Variants in TPR observed in about 807,000 individuals in gnomAD.
The protein encoded by TPR is nucleoprotein TPR.
TPR carries 51 observed loss-of-function variants against 316.1 expected under a neutral mutation model. The observed-to-expected ratio is 0.16, with a 90% confidence interval of 0.13 to 0.20. The LOEUF is 0.20. Among genes scored for constraint, TPR ranks in the 10% least tolerant of loss-of-function variants. The probability of loss-of-function intolerance (pLI) is 1.00; values close to 1 mark genes in which losing one functional copy is unlikely to be tolerated. For synonymous variants in TPR, 981 were observed against 914.7 expected (o/e 1.07, Z -1.31); for missense variants, 2,272 against 2,754.8 (o/e 0.82, Z 3.92).
intron 4 of TPR, among the ~76,000 whole-genome samples, chr1:186,366,232 C>T (rs1659339324): frequency 6.6e-6 from 1 of 152,112 alleles, no homozygotes; most frequent in African/African-American, 2.4e-5. Flanking sequence ...CAACCTGACC[C>T]AGCAAGACCA....
At chr1:186,331,687 T>C (rs1658171529) in intron 38 of TPR, 106 bp from the exon 39 acceptor site, 1 of 606,190 alleles carries the variant, frequency 1.6e-6, no homozygotes, top group Non-Finnish European at 2.6e-6. Flanking sequence ...ATCTATATTT[T>C]ATGAAACTAT....
intron 4 of TPR, among the ~76,000 whole-genome samples, chr1:186,365,284 T>TG (rs2101988293): frequency 6.6e-6 from 1 of 152,074 alleles, no homozygotes; most frequent in Non-Finnish European, 1.5e-5. Flanking sequence ...TTAGTAGAGA[T>TG]GGGGTTCTGC....
At position 186,357,555 on chromosome 1, in the gene TPR, G is replaced by A. The variant is rs761006642; in HGVS notation, c.1566C>T (p.Ser522=). The A allele has an allele frequency of 8.7e-6, 14 of 1,613,712 alleles. No individual in the cohort carries two copies. The Admixed American group carries it at 1.3e-4, about 15-fold the overall frequency. Residue 522 remains serine, a synonymous_variant, in exon 14 of 51, where the codon AGC becomes AGT. Transcript: ENST00000367478. ...GNHVIRDEEV[S]SADISSSSEV... ...CAGATGAACTACTTATATCAGCAGA[G>A]CTTACTTCCTCATCACGAATTACGT...
rs141065506 is a variant in TPR, at chr1:186,359,439, T to G, written c.1389+360A>C. On this transcript the variant is annotated intron_variant, in intron 12 of 50. Transcript: ENST00000367478. ...TAGGCAGGCTATTACAACTGTCTGATAAAGAATGATTATGGCAAATAGGAG... is the reference window on the plus strand; with the variant it reads ...TAGGCAGGCTATTACAACTGTCTGAGAAAGAATGATTATGGCAAATAGGAG... 1.5e-4 allele frequency among the ~76,000 whole-genome samples: 23 copies of G among 152,184 alleles called. No homozygotes were observed. In the East Asian group the frequency reaches 4.3e-3, roughly 28 times the overall value.
Position 186,367,965 on chromosome 1 carries a change from T to C in TPR, c.348A>G (p.Thr116=). The change falls in exon 4 of 51, where the codon ACA becomes ACG. Residue 116 remains threonine, a synonymous_variant. Transcript: ENST00000367478. The part of the protein sequence containing the change: ...NIAIQSQFTR[T]KEELEAEKRD... ...TTTTCTCAGCTTCTAATTCTTCCTT[T>C]GTTCTTGTAAATTGGCTCTGTCATA... 1 of 1,610,242 alleles carries C rather than the reference T, an allele frequency of 6.2e-7. No individual in the cohort carries two copies. The highest frequency in any genetic ancestry group is 1.1e-5 in the South Asian group (1 of 91,034).
In TPR at chr1:186,359,694, G is replaced by GT. The variant is rs886923716; in HGVS notation, c.1389+104dup. 8.5e-5 allele frequency: 96 copies of GT among 1,135,912 alleles called. No individual in the cohort carries two copies. In the African/African-American group the frequency reaches 1.4e-3, roughly 17 times the overall value. 70.4% of individuals were successfully genotyped at this position (1,135,912 alleles called of 1,614,324 possible). A position where few individuals can be genotyped will look rare whatever the true frequency, so the allele number is the denominator to read the frequency against. ...TTTCAAAATGTGTTTATTGAAAATC[G>GT]TATTTAGATTTTTCTGACTCAATCA... is the stretch of plus-strand genomic sequence containing the variant. On this transcript the variant is annotated intron_variant, in intron 12 of 50. Transcript: ENST00000367478.
intron 45 of TPR, among the ~76,000 whole-genome samples, chr1:186,320,869 T>C (rs1482409219): frequency 1.3e-5 from 2 of 152,238 alleles, no homozygotes; most frequent in Non-Finnish European, 2.9e-5. Context: ...TCCCAAGGTT[T>C]AGGAAAATTC....
chr1:186,317,650 A>G (rs34585917), intron 48 of TPR, 50 bp from the exon 49 acceptor site: 253,859 of 1,512,598 alleles, frequency 0.17, 22,676 homozygotes, highest in African/African-American at 0.29. Context: ...ACAGTCAATC[A>G]TAAATTATAT....
intron 45 of TPR, among the ~76,000 whole-genome samples, chr1:186,321,333 T>C (rs1489130155): frequency 6.6e-6 from 1 of 152,228 alleles, no homozygotes; most frequent in East Asian, 1.9e-4. Flanking sequence ...GATCTTCAAA[T>C]ACATCCTGTT....
intron 3 of TPR, 141 bp from the exon 4 acceptor site, chr1:186,368,123 A>G: frequency 3.5e-6 from 2 of 564,860 alleles, no homozygotes; most frequent in Non-Finnish European, 6.1e-6. Context: ...AAGTTAAAAA[A>G]TACCCGTAAT....
chr1:186,355,888 C>T (rs1419883197), intron 15 of TPR, 120 bp from the exon 16 acceptor site: 2 of 1,229,046 alleles, frequency 1.6e-6, no homozygotes, highest in Middle Eastern at 2.1e-4. Flanking sequence ...TGAAATGAAA[C>T]AATAAGATTA....
Position 186,333,312 on chromosome 1 carries a change from G to T in TPR, c.5265C>A (p.Val1755=), listed in dbSNP as rs1479430164. Residue 1755 remains valine, a synonymous_variant, in exon 37 of 51, where the codon GTC becomes GTA. Transcript: ENST00000367478. ...AAATAGGTTGAGAGATAGAAGGCTG[G>T]ACATTAGGACTAGTAGAACGAACGG... ...SGSVRSTSPN[V]QPSISQPILT... is the part of the protein sequence containing the mutation. The T allele has an allele frequency of 6.2e-7, 1 of 1,613,708 alleles. No individual in the cohort carries two copies. Among genetic ancestry groups the T allele is most frequent in the Non-Finnish European group, 8.5e-7 (1 of 1,179,716 alleles).
intron 22 of TPR, among the ~76,000 whole-genome samples, chr1:186,346,511 T>C (rs1658680762): frequency 6.6e-6 from 1 of 152,208 alleles, no homozygotes; most frequent in Non-Finnish European, 1.5e-5. Flanking sequence ...CATTTTTCTC[T>C]TTTGAAATGA....
chr1:186,321,342 T>C (rs1657769716), intron 45 of TPR, among the ~76,000 whole-genome samples: 1 of 152,230 alleles, frequency 6.6e-6, no homozygotes, highest in Admixed American at 6.5e-5. Flanking sequence ...ATACATCCTG[T>C]TAAGCAACTA....
At chr1:186,346,390 T>C (rs1328472393) in intron 22 of TPR, 103 bp from the exon 23 acceptor site, 6 of 1,193,246 alleles carry the variant, frequency 5.0e-6, no homozygotes, top group Non-Finnish European at 1.1e-6. Flanking sequence ...ATAAAATTAA[T>C]GTTTGTTGTA....
intron 2 of TPR, among the ~76,000 whole-genome samples, chr1:186,372,071 C>G (rs986595497): frequency 4.6e-5 from 7 of 152,138 alleles, no homozygotes; most frequent in African/African-American, 1.7e-4. Flanking sequence ...CTCCATCACA[C>G]ATGTATGCAT....
intron 7 of TPR, 95 bp downstream of exon 7, chr1:186,362,193 A>G (rs1659214133): frequency 1.9e-6 from 2 of 1,042,254 alleles, no homozygotes; most frequent in Non-Finnish European, 2.9e-6. Flanking sequence ...TTATGGGGCC[A>G]AGGACAGATT....
intron 36 of TPR, 25 bp downstream of exon 36, chr1:186,334,300 A>C: frequency 1.3e-6 from 2 of 1,583,186 alleles, no homozygotes; most frequent in Non-Finnish European, 1.7e-6. Context: ...AAGCAGTCTC[A>C]TCAGATCTGT....
At chr1:186,324,010 G>C in intron 42 of TPR, 140 bp from the exon 43 acceptor site, 1 of 847,428 alleles carries the variant, frequency 1.2e-6, no homozygotes, top group South Asian at 2.1e-5. Context: ...AGGTGTGATG[G>C]AAGCAAATGT....
Sources: allele counts gnomAD v4.1 joint callset (sites outside exome capture counted in the v4.1 genomes callset), GRCh38; gene constraint gnomAD v4.1.1; transcripts MANE v1.5; gene names NCBI Gene and HGNC (gene_info 2026-07-23, HGNC 2026-07-21).